The following OXNAD1 variants were observed in gnomAD, a reference collection of about 807,000 sequenced individuals.
OXNAD1 encodes oxidoreductase NAD-binding domain-containing protein 1.
Under a neutral mutation model 32.9 loss-of-function variants are expected in OXNAD1, and 34 were observed. The ratio of observed to expected loss-of-function variants is 1.03; its 90% CI spans 0.79 to 1.38. The LOEUF (loss-of-function observed/expected upper bound fraction) is 1.38. Ranked by LOEUF, OXNAD1 falls within the 40% of genes most tolerant of loss-of-function variation. The pLI is 0.00. For synonymous variants in OXNAD1, 134 were observed against 135.2 expected, an observed-to-expected ratio of 0.99 and a Z score of 0.06; for missense variants, 407 against 379.4, an observed-to-expected ratio of 1.07 and a Z score of -0.60.
At chr3:16,331,198 A>G (rs560075104) in intron 9 of OXNAD1, among the ~76,000 whole-genome samples, 1 of 152,324 alleles carries the variant, frequency 6.6e-6, no homozygotes, top group South Asian at 2.1e-4. Flanking sequence ...GAGTCCTGCA[A>G]AAACTACTTC....
rs2066987523 is a variant in OXNAD1 at position 16,298,911 on chromosome 3, T to G, written c.433-2715T>G. ...AGTACTTTGAGTCTTGTGTTCGTGT[T>G]ACCCTCGCAGTTTTTATTGATCAAC... On this transcript the variant is annotated intron_variant, in intron 6 of 8. Transcript: ENST00000285083. The surrounding 1 kb of genome is among the most constrained non-coding windows in gnomAD (Gnocchi z 5.1). 6.6e-6 allele frequency among the ~76,000 whole-genome samples: 1 copy of G among 152,234 alleles called. No homozygotes were observed. The highest frequency in any genetic ancestry group is 1.5e-5 in the Non-Finnish European group (1 of 68,038).
chr3:16,302,220 G>A lies in OXNAD1; in HGVS notation c.675+352G>A, dbSNP rs1425925072. 6.6e-6 allele frequency among the ~76,000 whole-genome samples: 1 copy of A among 152,152 alleles called. No individual in the cohort carries two copies. The highest frequency in any genetic ancestry group is 6.5e-5 in the Admixed American group (1 of 15,270). ...GACTTAGACAGTTTGGACCCAGCTG[G>A]GTAAATGAAACCCCTGTCAGTTGCA... On this transcript the variant is annotated intron_variant, in intron 7 of 8. Transcript: ENST00000285083. The surrounding 1 kb of genome is among the most constrained non-coding windows in gnomAD (Gnocchi z 4.2).
rs571588020 is a variant in OXNAD1 at position 16,335,530 on chromosome 3, A to G, written c.*31-1582A>G. ...GCAGGAACAGAAAATCAAACACCAC[A>G]TGTTCTCACTTACAAGTGGGAGAGC... On this transcript the variant is annotated intron_variant, in intron 9 of 9. Transcript: ENST00000435829. The surrounding 1 kb of genome is among the most constrained non-coding windows in gnomAD (Gnocchi z 4.7). Among the ~76,000 whole-genome samples, 5 of 152,340 alleles carry G rather than the reference A, an allele frequency of 3.3e-5. No individual in the cohort carries two copies. Among genetic ancestry groups the G allele is most frequent in the Admixed American group, 2.6e-4 (4 of 15,294 alleles).
rs1172108095 is a variant in OXNAD1 at position 16,321,998 on chromosome 3, C to G, written c.*31-15114C>G. On this transcript the variant is annotated intron_variant, in intron 9 of 9. Coordinates refer to the OXNAD1 transcript ENST00000435829. The surrounding 1 kb of genome is among the most constrained non-coding windows in gnomAD (Gnocchi z 4.8). The stretch of plus-strand genomic sequence containing the variant: ...GGAACCTGTTAGGCAAAGGTGGCAC[C>G]ATCTCCCTCTGTAAGGCTGCAGCGG... Among the ~76,000 whole-genome samples, 4 of 152,200 alleles carry G rather than the reference C, an allele frequency of 2.6e-5. No individual in the cohort carries two copies. The highest frequency in any genetic ancestry group is 9.7e-5 in the African/African-American group (4 of 41,440).
At chr3:16,309,123 A>T (rs1247292602), downstream of OXNAD1, among the ~76,000 whole-genome samples, 1 of 152,212 alleles carries the variant, frequency 6.6e-6, no homozygotes, top group Non-Finnish European at 1.5e-5. Flanking sequence ...GTGGGTACCT[A>T]TACAACTATG....
chr3:16,333,358 CAT>C (rs572874125), intron 9 of OXNAD1, among the ~76,000 whole-genome samples: 48 of 152,298 alleles, frequency 3.2e-4, no homozygotes, highest in African/African-American at 1.0e-3. Context: ...CTGTTCTGCA[CAT>C]GTTTGCAAAT....
chr3:16,311,126 C>T (rs1305577107), intron 9 of OXNAD1, among the ~76,000 whole-genome samples: 6 of 140,808 alleles, frequency 4.3e-5, no homozygotes, highest in Non-Finnish European at 9.0e-5. Context: ...TCTGTTGCCA[C>T]ACAACTCCCT....
At chr3:16,315,222 TCTC>T (rs2068259863) in intron 9 of OXNAD1, among the ~76,000 whole-genome samples, 1 of 152,106 alleles carries the variant, frequency 6.6e-6, no homozygotes, top group African/African-American at 2.4e-5. Flanking sequence ...TTCAAGCAAT[TCTC>T]CTGCCTCAGC....
In OXNAD1 at chr3:16,329,663, G is replaced by A. The variant is rs566756131; in HGVS notation, c.*31-7449G>A. ...CCTGAGAATCCCTGCCCCCATCCCC[G>A]TATTCCCAGTTTAAAGAGAGGAGGA... On this transcript the variant is annotated intron_variant, in intron 9 of 9. Transcript: ENST00000435829. The surrounding 1 kb of genome is among the most constrained non-coding windows in gnomAD (Gnocchi z 4.5). 1.3e-4 allele frequency among the ~76,000 whole-genome samples: 20 copies of A among 152,192 alleles called. No homozygotes were observed. The East Asian group carries it at 3.3e-3, about 25-fold the overall frequency.
At chr3:16,292,111 A>G (rs909768519) in intron 5 of OXNAD1, among the ~76,000 whole-genome samples, 5 of 151,732 alleles carry the variant, frequency 3.3e-5, no homozygotes, top group African/African-American at 9.7e-5. Context: ...AGTTCTTTAT[A>G]TAATCTGAAT....
At chr3:16,313,220 T>TTTTTTTTTTTTTTTTTTTTTTTG (rs2068098133) in intron 9 of OXNAD1, among the ~76,000 whole-genome samples, 1 of 149,944 alleles carries the variant, frequency 6.7e-6, no homozygotes, top group Admixed American at 6.6e-5. Flanking sequence ...TTTTTTTTTT[T>TTTTTTTTTTTTTTTTTTTTTTTG]TTTGCAGAGG....
At position 16,302,624 on chromosome 3, in the gene OXNAD1, ATGTT is replaced by A; in HGVS notation, c.676-13_676-10del. 2 of 1,564,236 alleles carry A rather than the reference ATGTT, an allele frequency of 1.3e-6. No homozygotes were observed. The highest frequency in any genetic ancestry group is 1.4e-5 in the African/African-American group (1 of 73,824). ...TTTTAAAATTGTAGTGTGACCAAAT[ATGTT>A]TGACATTCCAGAAAAATATCCTTGA... On this transcript the variant is annotated splice_polypyrimidine_tract_variant and intron_variant, in intron 7 of 8. Coordinates refer to ENST00000285083, the MANE Select transcript of OXNAD1 (RefSeq NM_138381.5). The surrounding 1 kb of genome is among the most constrained non-coding windows in gnomAD (Gnocchi z 4.2).
downstream of OXNAD1, among the ~76,000 whole-genome samples, chr3:16,351,268 T>C (rs1016376451): frequency 6.6e-6 from 1 of 152,184 alleles, no homozygotes; most frequent in Non-Finnish European, 1.5e-5. This position sits in a 1 kb window ranked among gnomAD's most constrained non-coding sequence, Gnocchi z 5.4. Flanking sequence ...GACTGTGTCC[T>C]TGATCCAGTC....
rs1467955040 is a variant in OXNAD1, at chr3:16,299,677, C to T, written c.433-1949C>T. Among the ~76,000 whole-genome samples the T allele has an allele frequency of 6.6e-6, 1 of 152,134 alleles. No individual in the cohort carries two copies. The highest frequency in any genetic ancestry group is 1.5e-5 in the Non-Finnish European group (1 of 68,032). On this transcript the variant is annotated intron_variant, in intron 6 of 8. Transcript: ENST00000285083. This position sits in a 1 kb window ranked among gnomAD's most constrained non-coding sequence, Gnocchi z 4.4. ...TACTGCTCACCTGACATGCAAGGTG[C>T]CAAGGTGTGAATGCTAAGGGTTTGG...
chr3:16,320,756 CT>C lies in OXNAD1; in HGVS notation c.*31-16355del. 6.6e-6 allele frequency among the ~76,000 whole-genome samples: 1 copy of C among 152,112 alleles called. No homozygotes were observed. On this transcript the variant is annotated intron_variant, in intron 9 of 9. Transcript: ENST00000435829. The surrounding 1 kb of genome is among the most constrained non-coding windows in gnomAD (Gnocchi z 4.5). ...GGAAGAACTGGAGGCCACAGAGGAG[CT>C]GGAGGCCACAGAGAATGGGAGGCTG... is the stretch of plus-strand genomic sequence containing the variant.
At chr3:16,285,130 A>G (rs1428782227) in intron 4 of OXNAD1, among the ~76,000 whole-genome samples, 1 of 152,170 alleles carries the variant, frequency 6.6e-6, no homozygotes, top group Non-Finnish European at 1.5e-5. Flanking sequence ...AAGGTTAGGT[A>G]TTTTGCAGGA....
Position 16,316,700 on chromosome 3 carries a change from A to G in OXNAD1, c.*30+13108A>G. The stretch of plus-strand genomic sequence containing the variant: ...CTGGGAGGGCTCAGGTGAGCTCACA[A>G]GGAGAGGTCAAGCCAAGCCAAAGGG... On this transcript the variant is annotated intron_variant, in intron 9 of 9. Coordinates refer to the OXNAD1 transcript ENST00000435829. This position sits in a 1 kb window ranked among gnomAD's most constrained non-coding sequence, Gnocchi z 4.5. 1 of 1,097,224 alleles carries G rather than the reference A, an allele frequency of 9.1e-7. No individual in the cohort carries two copies. Among genetic ancestry groups the G allele is most frequent in the Non-Finnish European group, 1.4e-6 (1 of 736,756 alleles). 68.0% of individuals were successfully genotyped at this position (1,097,224 alleles called of 1,614,324 possible). A position where few individuals can be genotyped will look rare whatever the true frequency, so the allele number is the denominator to read the frequency against.
Position 16,314,044 on chromosome 3 carries a change from C to T in OXNAD1, c.*30+10452C>T, listed in dbSNP as rs1450961090. On this transcript the variant is annotated intron_variant, in intron 9 of 9. Coordinates refer to the OXNAD1 transcript ENST00000435829. This position sits in a 1 kb window ranked among gnomAD's most constrained non-coding sequence, Gnocchi z 4.4. Reference sequence around the variant, plus strand: ...AAGAATCTGGATTCAGCCACAACATCGTAGGAATGCCACATTTCAATCACC... The same window carrying T: ...AAGAATCTGGATTCAGCCACAACATTGTAGGAATGCCACATTTCAATCACC... Among the ~76,000 whole-genome samples the T allele has an allele frequency of 2.6e-5, 4 of 152,000 alleles. No homozygotes were observed. The highest frequency in any genetic ancestry group is 1.9e-4 in the East Asian group (1 of 5,172).
chr3:16,323,233 C>A, intron 9 of OXNAD1: 1 of 630,190 alleles, frequency 1.6e-6, no homozygotes, highest in Non-Finnish European at 2.8e-6. Context: ...AGATGTGATT[C>A]GGGTTGCCAG....
Sources: gnomAD v4.1 joint callset for allele counts (sites outside exome capture counted in the v4.1 genomes callset) on GRCh38, gnomAD v4.1.1 for gene constraint, Gnocchi (gnomAD v3.1) non-coding constraint, MANE v1.5 for transcripts, NCBI Gene and HGNC (gene_info 2026-07-23, HGNC 2026-07-21) for gene names.